The following ADGRV1 variants were observed in gnomAD, a reference collection of about 807,000 sequenced individuals.
ADGRV1 encodes the protein adhesion G protein-coupled receptor V1.
Under a neutral mutation model 596.2 loss-of-function variants are expected in ADGRV1, and 359 were observed. The ratio of observed to expected loss-of-function variants is 0.60; its 90% confidence interval spans 0.55 to 0.66. ADGRV1 has a LOEUF of 0.66. Among genes scored for constraint, ADGRV1 ranks in the 30% least tolerant of loss-of-function variants. The pLI is 0.00. For missense variants in ADGRV1, 7,274 were observed against 7,575.6 expected (o/e 0.96, Z 1.48); for synonymous variants, 2,681 against 2,679.2 (o/e 1.00, Z -0.02).
At chr5:90,764,629 C>T (rs958152834) in intron 59 of ADGRV1, among the ~76,000 whole-genome samples, 8 of 152,252 alleles carry the variant, frequency 5.3e-5, no homozygotes, top group African/African-American at 1.9e-4. Context: ...TGCTCCCCCT[C>T]CCTTATGGGC....
chr5:90,638,387 C>T (rs192782078), intron 11 of ADGRV1, among the ~76,000 whole-genome samples: 1 of 152,060 alleles, frequency 6.6e-6, no homozygotes, highest in African/African-American at 2.4e-5. Context: ...CTCTTTTTTA[C>T]ATGGAACTTA....
chr5:91,158,322 T>C (rs1432242966), intron 89 of ADGRV1, among the ~76,000 whole-genome samples: 1 of 152,172 alleles, frequency 6.6e-6, no homozygotes, highest in Non-Finnish European at 1.5e-5. Context: ...TTCTTAGCTA[T>C]AGCATCATTC....
chr5:90,966,549 A>T (rs1038244661), intron 84 of ADGRV1, among the ~76,000 whole-genome samples: 15 of 150,546 alleles, frequency 1.0e-4, no homozygotes, highest in African/African-American at 3.7e-4. Flanking sequence ...AAAAAAAAAA[A>T]ATAGAAAGAA....
rs1466778979 is a variant in ADGRV1 at position 90,664,224 on chromosome 5, A to C, written c.4752+5946A>C. Among the ~76,000 whole-genome samples, 3 of 144,716 alleles carry C rather than the reference A, an allele frequency of 2.1e-5. No homozygotes were observed. In the Admixed American group the frequency reaches 2.1e-4, roughly 10 times the overall value. 94.9% of individuals were successfully genotyped at this position (144,716 alleles called of 152,430 possible). On this transcript the variant is annotated intron_variant, in intron 21 of 89. Transcript: ENST00000405460. ...TGGGCAGTATGGCCATTTTCACGAT[A>C]TTGATTCTTCCTACCCATGAGCATG...
At chr5:90,793,335 G>C (rs1312810070) in intron 70 of ADGRV1, 1 of 152,164 alleles carries the variant, frequency 6.6e-6, no homozygotes, top group Non-Finnish European at 1.5e-5. Context: ...TGTATTCATA[G>C]CATTACATTC....
intron 83 of ADGRV1, among the ~76,000 whole-genome samples, chr5:90,960,137 CAAAAAA>C (rs35383493): frequency 2.9e-5 from 3 of 104,012 alleles, no homozygotes; most frequent in African/African-American, 1.1e-4. Flanking sequence ...AGACTCATCT[CAAAAAA>C]AAAAAAAAAA....
intron 24 of ADGRV1, 31 bp downstream of exon 24, chr5:90,675,476 T>A (rs1425803684): frequency 6.3e-7 from 1 of 1,575,568 alleles, no homozygotes; most frequent in Non-Finnish European, 8.7e-7. Flanking sequence ...GAAGTTGTAT[T>A]TGCACTTGTA....
chr5:90,742,783 AT>A (rs1441931735), intron 50 of ADGRV1, among the ~76,000 whole-genome samples: 1 of 152,194 alleles, frequency 6.6e-6, no homozygotes, highest in African/African-American at 2.4e-5. Flanking sequence ...AAGTAGATTG[AT>A]TCAGATGATG....
At chr5:91,154,599 G>A (rs909351896) in intron 89 of ADGRV1, among the ~76,000 whole-genome samples, 8 of 152,184 alleles carry the variant, frequency 5.3e-5, no homozygotes, top group African/African-American at 1.9e-4. Flanking sequence ...CATCCTATCT[G>A]TATTAGTCCA....
At chr5:91,007,682 A>C (rs1017073983) in intron 85 of ADGRV1, among the ~76,000 whole-genome samples, 1 of 152,172 alleles carries the variant, frequency 6.6e-6, no homozygotes, top group Non-Finnish European at 1.5e-5. Context: ...TCGCAAGTGA[A>C]AATACATAAG....
chr5:90,937,831 T>C (rs1283230175), intron 83 of ADGRV1, among the ~76,000 whole-genome samples: 1 of 152,228 alleles, frequency 6.6e-6, no homozygotes, highest in African/African-American at 2.4e-5. Context: ...TCTGACTGTG[T>C]ATATTTTATG....
At chr5:90,818,032 C>T (rs1378347866) in intron 75 of ADGRV1, among the ~76,000 whole-genome samples, 3 of 151,894 alleles carry the variant, frequency 2.0e-5, no homozygotes, top group African/African-American at 4.8e-5. Flanking sequence ...GATATTGATT[C>T]TTCCTACCCA....
At chr5:91,066,194 G>A (rs1159780844) in intron 85 of ADGRV1, among the ~76,000 whole-genome samples, 1 of 152,164 alleles carries the variant, frequency 6.6e-6, no homozygotes, top group African/African-American at 2.4e-5. Flanking sequence ...CCCTGGTGCG[G>A]GCATTGCCTT....
At chr5:90,721,515 A>AAATTAAATT (rs57821935) in intron 45 of ADGRV1, among the ~76,000 whole-genome samples, 2 of 44,102 alleles carry the variant, frequency 4.5e-5, no homozygotes, top group South Asian at 7.2e-4. Context: ...AAAATAAAAT[A>AAATTAAATT]AAATAAAATA....
At chr5:90,645,099 C>A (rs968803921) in intron 15 of ADGRV1, among the ~76,000 whole-genome samples, 6 of 152,130 alleles carry the variant, frequency 3.9e-5, no homozygotes, top group Non-Finnish European at 8.8e-5. Flanking sequence ...CTCATGTATC[C>A]AGTATCAGGG....
intron 83 of ADGRV1, among the ~76,000 whole-genome samples, chr5:90,919,590 A>G (rs1773691169): frequency 6.6e-6 from 1 of 152,232 alleles, no homozygotes; most frequent in Non-Finnish European, 1.5e-5. Flanking sequence ...TATTAAATGT[A>G]TTTGTGATTC....
intron 86 of ADGRV1, among the ~76,000 whole-genome samples, chr5:91,084,589 G>T (rs1789697176): frequency 6.6e-6 from 1 of 152,198 alleles, no homozygotes. Flanking sequence ...ACAGGTGCTG[G>T]AGAGGATGTG....
chr5:90,777,901 G>A lies in ADGRV1; in HGVS notation c.12528-4G>A, dbSNP rs769430522. The A allele has an allele frequency of 5.6e-6, 9 of 1,608,012 alleles. No homozygotes were observed. Among genetic ancestry groups the A allele is most frequent in the South Asian group, 3.3e-5 (3 of 90,398 alleles). On this transcript the variant is annotated splice_region_variant and splice_polypyrimidine_tract_variant and intron_variant, in intron 61 of 89. Coordinates refer to ENST00000405460, the MANE Select transcript of ADGRV1 (RefSeq NM_032119.4). ...ATTGGATATACATTTGTTTATTGTT[G>A]TAGCCTTGTTCGAGGCCCAGGGATT...
intron 70 of ADGRV1, among the ~76,000 whole-genome samples, chr5:90,801,780 TG>T (rs1429057591): frequency 6.6e-6 from 1 of 152,186 alleles, no homozygotes; most frequent in African/African-American, 2.4e-5. Flanking sequence ...TGAGATAACT[TG>T]GGGGTTATTA....
Sources: allele counts gnomAD v4.1 joint callset (sites outside exome capture counted in the v4.1 genomes callset), GRCh38; gene constraint gnomAD v4.1.1; transcripts MANE v1.5; gene names NCBI Gene and HGNC (gene_info 2026-07-23, HGNC 2026-07-21).